The following GAK variants were observed in gnomAD, a reference collection of about 807,000 sequenced individuals.
GAK encodes the protein cyclin-G-associated kinase.
GAK carries 79 observed loss-of-function variants against 143.9 expected under a neutral mutation model. That is an observed-to-expected ratio of 0.55 (90% confidence interval 0.46 to 0.66). The LOEUF (loss-of-function observed/expected upper bound fraction) is 0.66, where lower values mean the gene tolerates loss of function less well. Ranked by LOEUF, GAK falls within the 30% of genes least tolerant of loss-of-function variation. The probability of loss-of-function intolerance (pLI) is 0.00; values close to 1 mark genes in which losing one functional copy is unlikely to be tolerated. For missense variants in GAK, 1,693 were observed against 1,779.7 expected, an observed-to-expected ratio of 0.95 and a Z score of 0.88; for synonymous variants, 881 against 765.5, an observed-to-expected ratio of 1.15 and a Z score of -2.49.
intron 21 of GAK, 117 bp downstream of exon 21, chr4:866,839 G>T (rs1751275445): frequency 1.2e-6 from 1 of 805,428 alleles, no homozygotes; most frequent in Non-Finnish European, 2.0e-6. Flanking sequence ...GGGAGGTGGG[G>T]GAAGGGCACG....
rs1716103314 is a variant in GAK at position 885,363 on chromosome 4, G to A, written c.1206-1277C>T. Among the ~76,000 whole-genome samples, 3 of 152,224 alleles carry A rather than the reference G, an allele frequency of 2.0e-5. No individual in the cohort carries two copies. In the South Asian group the frequency reaches 6.2e-4, roughly 32 times the overall value. On this transcript the variant is annotated intron_variant, in intron 11 of 27. Transcript: ENST00000314167. The stretch of plus-strand genomic sequence containing the variant: ...GGCCGAGGCAGAGAGATCACCTGAG[G>A]TTGGGAGTTTGAGACCAGCCTGACC...
intron 17 of GAK, 101 bp from the exon 18 acceptor site, chr4:876,710 T>A: frequency 3.8e-6 from 4 of 1,041,606 alleles, no homozygotes; most frequent in Non-Finnish European, 4.5e-6. Flanking sequence ...GAGCGGCTCA[T>A]GGTGCTGGAG....
At position 904,767 on chromosome 4, in the gene GAK, T is replaced by A. The variant is rs147981787; in HGVS notation, c.395A>T (p.Glu132Val). 5.0e-6 allele frequency: 8 copies of A among 1,613,934 alleles called. No homozygotes were observed. The highest frequency in any genetic ancestry group is 6.8e-6 in the Non-Finnish European group (8 of 1,179,950). The change falls in exon 5 of 28, where the codon GAA becomes GTA. Residue 132 changes from glutamate (E) to valine (V), a missense_variant. Physicochemically the swap from Glu to Val is moderately radical, Grantham distance 121 (BLOSUM62 -2). This residue lies in a region of GAK where 871 missense variants were observed against 991.0 expected (regional missense o/e 0.88). Transcript: ENST00000314167. ...TCGAGATTCCATTTTCTTCAAAAATTCCACCAGCTGCCCTAAAAGAGAATG... is the reference window on the plus strand; with the variant it reads ...TCGAGATTCCATTTTCTTCAAAAATACCACCAGCTGCCCTAAAAGAGAATG... ...LTELCKGQLV[E>V]FLKKMESRGP...
At chr4:852,103 C>T (rs1748267259) in intron 24 of GAK, 129 bp from the exon 25 acceptor site, 4 of 832,854 alleles carry the variant, frequency 4.8e-6, no homozygotes, top group Admixed American at 4.1e-5. Context: ...TCACTCGAGG[C>T]CGTCCAGAGG....
chr4:868,694 G>C lies in GAK; in HGVS notation c.2249-9C>G. ...GGGAAGCTCCGGCTTCCCTGCAGGA[G>C]AGGGAGGGCGTCAGGGCACTGGCAC... On this transcript the variant is annotated splice_polypyrimidine_tract_variant and intron_variant, in intron 19 of 27. Transcript: ENST00000314167. 5.8e-6 allele frequency: 9 copies of C among 1,547,732 alleles called. No homozygotes were observed. Among genetic ancestry groups the C allele is most frequent in the Non-Finnish European group, 7.9e-6 (9 of 1,146,458 alleles).
intron 15 of GAK, among the ~76,000 whole-genome samples, chr4:878,968 G>A (rs185398475): frequency 1.3e-5 from 2 of 152,312 alleles, no homozygotes; most frequent in African/African-American, 2.4e-5. Flanking sequence ...CAGGACAGCC[G>A]GTCCTTCAGC....
At chr4:895,181 T>A (rs1032891519) in intron 7 of GAK, among the ~76,000 whole-genome samples, 1 of 152,214 alleles carries the variant, frequency 6.6e-6, no homozygotes, top group Non-Finnish European at 1.5e-5. Context: ...ATATGCAGGG[T>A]GTAGGGCACA....
At chr4:885,446 G>A (rs1466457247) in intron 11 of GAK, among the ~76,000 whole-genome samples, 1 of 152,204 alleles carries the variant, frequency 6.6e-6, no homozygotes, top group Non-Finnish European at 1.5e-5. Flanking sequence ...AGCACAGCAA[G>A]CTGACACGCC....
chr4:851,613 G>A (rs994167560), intron 25 of GAK, 137 bp downstream of exon 25: 26 of 840,414 alleles, frequency 3.1e-5, no homozygotes, highest in East Asian at 5.1e-5. Context: ...ATCGGAAACC[G>A]CGTCGTTCTC....
intron 1 of GAK, among the ~76,000 whole-genome samples, chr4:921,612 G>A (rs940104748): frequency 3.3e-5 from 5 of 151,658 alleles, no homozygotes; most frequent in Admixed American, 1.3e-4. Context: ...GTGACAAGGC[G>A]TGATTCGTAA....
chr4:907,922 G>A (rs1392504400), intron 4 of GAK, among the ~76,000 whole-genome samples: 1 of 152,124 alleles, frequency 6.6e-6, no homozygotes, highest in Non-Finnish European at 1.5e-5. Flanking sequence ...TGAGGGGCTG[G>A]GCCCGGCCCC....
chr4:887,851 T>G (rs1475110506), intron 11 of GAK: 1 of 152,372 alleles, frequency 6.6e-6, no homozygotes, highest in Non-Finnish European at 1.5e-5. Flanking sequence ...GCACACATGC[T>G]CATACCAGCA....
intron 4 of GAK, among the ~76,000 whole-genome samples, chr4:905,858 G>A (rs1303104975): frequency 6.6e-6 from 1 of 152,266 alleles, no homozygotes; most frequent in Non-Finnish European, 1.5e-5. Flanking sequence ...TTCAGCTGCT[G>A]CAGAAAGGGC....
In GAK at chr4:883,464, C is replaced by G; in HGVS notation, c.1256-1G>C. The G allele has an allele frequency of 6.2e-7, 1 of 1,613,318 alleles. No individual in the cohort carries two copies. Among genetic ancestry groups the G allele is most frequent in the Non-Finnish European group, 8.5e-7 (1 of 1,179,958 alleles). On this transcript the variant is annotated splice_acceptor_variant, in intron 12 of 27. Coordinates refer to ENST00000314167, the MANE Select transcript of GAK (RefSeq NM_005255.4). LOFTEE classifies it high-confidence loss of function. ...ACACCTTCTGCTGGGAATGACATCA[C>G]TGAAACAAGCAGACCTGCGTCAGCA...
In GAK at chr4:932,115, G is replaced by C. The variant is rs532688127; in HGVS notation, c.73C>G (p.Gln25Glu). The change falls in exon 1 of 28, where the codon CAG becomes GAG. Residue 25 changes from glutamine to glutamate, a missense_variant. By Grantham distance (29) the Gln-to-Glu change is conservative (BLOSUM62 2). Coordinates refer to ENST00000314167, the MANE Select transcript of GAK (RefSeq NM_005255.4). This position sits in a 1 kb window ranked among gnomAD's most constrained non-coding sequence, Gnocchi z 4.0. ...GSLGGASGRD[Q>E]SDFVGQTVEL... Reference sequence around the variant, plus strand: ...ACCGTCTGCCCCACGAAGTCACTCTGGTCGCGGCCGGAAGCACCGCCCAGG... The same window carrying C: ...ACCGTCTGCCCCACGAAGTCACTCTCGTCGCGGCCGGAAGCACCGCCCAGG... 6 of 1,595,642 alleles carry C rather than the reference G, an allele frequency of 3.8e-6. No homozygotes were observed. In the African/African-American group the frequency reaches 5.4e-5, roughly 14 times the overall value.
intron 10 of GAK, 85 bp from the exon 11 acceptor site, chr4:889,055 G>A: frequency 6.8e-7 from 1 of 1,461,026 alleles, no homozygotes; most frequent in East Asian, 2.5e-5. Context: ...CCAGGCCCCA[G>A]GCGCTCGGTC....
intron 1 of GAK, among the ~76,000 whole-genome samples, chr4:915,078 G>A (rs1249554092): frequency 5.4e-5 from 5 of 93,164 alleles, no homozygotes; most frequent in East Asian, 3.4e-4. Flanking sequence ...CAGCGTGCAC[G>A]GCCCCACACA....
At chr4:883,645 G>A (rs962525784) in intron 12 of GAK, among the ~76,000 whole-genome samples, 182 bp from the exon 13 acceptor site, 1 of 152,224 alleles carries the variant, frequency 6.6e-6, no homozygotes, top group African/African-American at 2.4e-5. Flanking sequence ...GGACCTAGGA[G>A]CATGGACCCA....
chr4:919,826 CT>C (rs997207025), intron 1 of GAK, among the ~76,000 whole-genome samples: 1 of 152,264 alleles, frequency 6.6e-6, no homozygotes, highest in African/African-American at 2.4e-5. Context: ...TTGTTTACAT[CT>C]ACATCCAGCA....
Sources: gnomAD v4.1 joint callset for allele counts (sites outside exome capture counted in the v4.1 genomes callset) on GRCh38, gnomAD v4.1.1 for gene constraint, gnomAD v4.1.1 regional missense constraint, Gnocchi (gnomAD v3.1) non-coding constraint, MANE v1.5 for transcripts, NCBI Gene and HGNC (gene_info 2026-07-23, HGNC 2026-07-21) for gene names.